KCNH4: variants seen among roughly 807,000 people sequenced by gnomAD.
KCNH4 encodes the protein voltage-gated delayed rectifier potassium channel KCNH4.
Under a neutral mutation model 90.7 loss-of-function variants are expected in KCNH4, and 33 were observed. The ratio of observed to expected loss-of-function variants is 0.36; its 90% CI spans 0.28 to 0.49. KCNH4 has a LOEUF of 0.49. Ranked by LOEUF, KCNH4 falls within the 20% of genes least tolerant of loss-of-function variation. The pLI is 0.98. For missense variants in KCNH4, 1,044 were observed against 1,387.1 expected (o/e 0.75, Z 3.93); for synonymous variants, 551 against 581.7 (o/e 0.95, Z 0.76).
Position 42,163,424 on chromosome 17 carries a change from A to G in KCNH4, c.2478-90T>C. 1 of 967,156 alleles carries G rather than the reference A, an allele frequency of 1.0e-6. No individual in the cohort carries two copies. The highest frequency in any genetic ancestry group is 1.6e-6 in the Non-Finnish European group (1 of 624,826). 59.9% of individuals were successfully genotyped at this position (967,156 alleles called of 1,614,324 possible). A position where few individuals can be genotyped will look rare whatever the true frequency, so the allele number is the denominator to read the frequency against. ...GAGGGGGACTGGGGGCAGCAGTGCCAGGGGGCGGAGCAAGAGCAGCAGTCA... is the reference window on the plus strand; with the variant it reads ...GAGGGGGACTGGGGGCAGCAGTGCCGGGGGGCGGAGCAAGAGCAGCAGTCA... On this transcript the variant is annotated intron_variant, in intron 13 of 16. Coordinates refer to ENST00000264661, the MANE Select transcript of KCNH4 (RefSeq NM_012285.3). The surrounding 1 kb of genome is among the most constrained non-coding windows in gnomAD (Gnocchi z 5.4).
rs1598278939 is a variant in KCNH4 at position 42,178,571 on chromosome 17, G to A, written c.311-94C>T. ...CTCATCCTCCTAGACATAGTTAAGA[G>A]CTTGGCAAAGCAAGAACCAAAAGGA... On this transcript the variant is annotated intron_variant, in intron 2 of 16. Transcript: ENST00000264661. The A allele has an allele frequency of 2.7e-6, 4 of 1,456,390 alleles. No individual in the cohort carries two copies. In the East Asian group the frequency reaches 7.3e-5, roughly 27 times the overall value. The allele number at this position is 1,456,390 out of a possible 1,614,324, so 90.2% of individuals were successfully genotyped here.
intron 6 of KCNH4, among the ~76,000 whole-genome samples, chr17:42,174,044 A>G (rs1207898702): frequency 6.6e-6 from 1 of 151,254 alleles, no homozygotes; most frequent in African/African-American, 2.4e-5. Context: ...TGCAACCTCC[A>G]CCTCTGGGAC....
intron 16 of KCNH4, among the ~76,000 whole-genome samples, chr17:42,159,131 G>A (rs555361042): frequency 3.3e-5 from 5 of 152,048 alleles, no homozygotes; most frequent in African/African-American, 7.2e-5. Flanking sequence ...GGATTCAAGC[G>A]ATTCTCCTGC....
rs1049199214 is a variant in KCNH4, at chr17:42,181,102, G to A, written c.-157C>T. ...CTGCCGCTGCCGCTGCCTCTGCTCC[G>A]AACCCCGTAGCTCTCGGCTCGGCTC... On this transcript the variant is annotated 5_prime_UTR_variant, in exon 1 of 17. Coordinates refer to ENST00000264661, the MANE Select transcript of KCNH4 (RefSeq NM_012285.3). 1.4e-5 allele frequency: 9 copies of A among 629,728 alleles called. No individual in the cohort carries two copies. Among genetic ancestry groups the A allele is most frequent in the African/African-American group, 3.9e-5 (2 of 51,082 alleles). The allele number at this position is 629,728 out of a possible 1,614,324, so 39.0% of individuals were successfully genotyped here.
chr17:42,169,754 T>C (rs2079814090), intron 8 of KCNH4, 78 bp from the exon 9 acceptor site: 1 of 1,473,028 alleles, frequency 6.8e-7, no homozygotes, highest in Non-Finnish European at 9.4e-7. Context: ...CACCCTGTCC[T>C]GGACCAAGAG....
chr17:42,162,371 C>A lies in KCNH4; in HGVS notation c.2585-50G>T, dbSNP rs543223146. On this transcript the variant is annotated intron_variant, in intron 14 of 16. Transcript: ENST00000264661. ...AGTTCATGGAGCATTAATACCTGAG[C>A]CTATAACTTGGGCTGGAATCCTCCT... 7.2e-6 allele frequency: 11 copies of A among 1,524,334 alleles called. No homozygotes were observed. The South Asian group carries it at 1.1e-4, about 16-fold the overall frequency. 94.4% of individuals were successfully genotyped at this position (1,524,334 alleles called of 1,614,324 possible). A position where few individuals can be genotyped will look rare whatever the true frequency, so the allele number is the denominator to read the frequency against.
rs756515599 is a variant in KCNH4 at position 42,163,585 on chromosome 17, C to T, written c.2477+21G>A. ...GAAGCCAATAGGGGTTTTGGGAAAG[C>T]AGGGGAGGCTGGCGTCTCACCGGGG... On this transcript the variant is annotated intron_variant, in intron 13 of 16. Transcript: ENST00000264661. The surrounding 1 kb of genome is among the most constrained non-coding windows in gnomAD (Gnocchi z 5.4). 3 of 1,140,932 alleles carry T rather than the reference C, an allele frequency of 2.6e-6. No homozygotes were observed. In the East Asian group the frequency reaches 7.2e-5, roughly 27 times the overall value. The allele number at this position is 1,140,932 out of a possible 1,614,324, so 70.7% of individuals were successfully genotyped here.
At chr17:42,158,054 G>A (rs1029017560) in intron 16 of KCNH4, among the ~76,000 whole-genome samples, 2 of 151,722 alleles carry the variant, frequency 1.3e-5, no homozygotes, top group East Asian at 2.0e-4. Flanking sequence ...TCAGCCTCCC[G>A]CGAAGCTGGG....
At chr17:42,158,392 G>A (rs55878532) in intron 16 of KCNH4, among the ~76,000 whole-genome samples, 1 of 149,486 alleles carries the variant, frequency 6.7e-6, no homozygotes, top group Admixed American at 6.7e-5. Context: ...TTAGCTGGGC[G>A]TGGTGGCAGG....
At position 42,180,993 on chromosome 17, in the gene KCNH4, C is replaced by T. The variant is rs748794104; in HGVS notation, c.-48G>A. Reference sequence around the variant, plus strand: ...GCGCGGCGCTGGGGAGCTTTCAGCGCGGCCGGGCCGGAGGGGGCGCGCTGT... The same window carrying T: ...GCGCGGCGCTGGGGAGCTTTCAGCGTGGCCGGGCCGGAGGGGGCGCGCTGT... On this transcript the variant is annotated 5_prime_UTR_variant, in exon 1 of 17. Transcript: ENST00000264661. The surrounding 1 kb of genome is among the most constrained non-coding windows in gnomAD (Gnocchi z 4.7). The T allele has an allele frequency of 1.3e-6, 2 of 1,570,622 alleles. No individual in the cohort carries two copies. Among genetic ancestry groups the T allele is most frequent in the Non-Finnish European group, 1.7e-6 (2 of 1,150,324 alleles).
At chr17:42,177,023 C>A (rs2079866732) in intron 4 of KCNH4, among the ~76,000 whole-genome samples, 1 of 152,122 alleles carries the variant, frequency 6.6e-6, no homozygotes, top group African/African-American at 2.4e-5. Flanking sequence ...TCCAGAGTAG[C>A]TGGGACCACA....
chr17:42,160,636 A>G (rs1023155686), intron 15 of KCNH4, among the ~76,000 whole-genome samples: 1 of 152,138 alleles, frequency 6.6e-6, no homozygotes, highest in African/African-American at 2.4e-5. Flanking sequence ...AGATATTGCT[A>G]TTCCTCCCCT....
chr17:42,176,509 CTTTTTTTTTT>C (rs869250233), intron 4 of KCNH4, among the ~76,000 whole-genome samples: 11 of 68,458 alleles, frequency 1.6e-4, no homozygotes, highest in South Asian at 5.0e-4. Context: ...GGCCCTCCTC[CTTTTTTTTTT>C]TTTTTTTTTT....
intron 10 of KCNH4, 106 bp from the exon 11 acceptor site, chr17:42,165,799 G>A (rs1183229248): frequency 2.2e-5 from 30 of 1,352,228 alleles, no homozygotes; most frequent in Non-Finnish European, 3.0e-5. Context: ...TTGAAGGATG[G>A]TTGAAGGTGG....
At chr17:42,169,715 C>T in intron 8 of KCNH4, 39 bp from the exon 9 acceptor site, 1 of 1,593,066 alleles carries the variant, frequency 6.3e-7, no homozygotes, top group South Asian at 1.1e-5. Flanking sequence ...GGCGGCCACC[C>T]CTCTGGCCAC....
intron 11 of KCNH4, 92 bp downstream of exon 11, chr17:42,165,357 G>A: frequency 6.6e-7 from 1 of 1,507,512 alleles, no homozygotes; most frequent in Non-Finnish European, 9.1e-7. Flanking sequence ...TGTTTTTAGG[G>A]TGGAGGGAGG....
At position 42,159,847 on chromosome 17, in the gene KCNH4, G is replaced by T; in HGVS notation, c.*193C>A. On this transcript the variant is annotated 3_prime_UTR_variant, in exon 16 of 17. Coordinates refer to ENST00000264661, the MANE Select transcript of KCNH4 (RefSeq NM_012285.3). ...CTCAGGTGGCTCCCCTCACAGAGGG[G>T]GAGGTTGGGGAAGGCTTGGAAAAGG... 2 of 439,704 alleles carry T rather than the reference G, an allele frequency of 4.5e-6. No homozygotes were observed. The highest frequency in any genetic ancestry group is 7.9e-6 in the Non-Finnish European group (2 of 253,312). 27.2% of individuals were successfully genotyped at this position (439,704 alleles called of 1,614,324 possible).
At position 42,163,563 on chromosome 17, in the gene KCNH4, G is replaced by T; in HGVS notation, c.2477+43C>A. 1 of 944,772 alleles carries T rather than the reference G, an allele frequency of 1.1e-6. No homozygotes were observed. Among genetic ancestry groups the T allele is most frequent in the Non-Finnish European group, 1.6e-6 (1 of 618,622 alleles). The allele number at this position is 944,772 out of a possible 1,614,324, so 58.5% of individuals were successfully genotyped here. On this transcript the variant is annotated intron_variant, in intron 13 of 16. Coordinates refer to ENST00000264661, the MANE Select transcript of KCNH4 (RefSeq NM_012285.3). This position sits in a 1 kb window ranked among gnomAD's most constrained non-coding sequence, Gnocchi z 5.4. ...ATAGAGCCCAGAGAAGGTTCTGGAA[G>T]CCAATAGGGGTTTTGGGAAAGCAGG...
intron 10 of KCNH4, among the ~76,000 whole-genome samples, 183 bp downstream of exon 10, chr17:42,166,113 TA>T (rs1359743165): frequency 6.6e-6 from 1 of 151,586 alleles, no homozygotes; most frequent in African/African-American, 2.4e-5. Flanking sequence ...CCAAGGGGAT[TA>T]GGGGGAATTG....
Sources: gnomAD v4.1 joint callset for allele counts (sites outside exome capture counted in the v4.1 genomes callset) on GRCh38, gnomAD v4.1.1 for gene constraint, Gnocchi (gnomAD v3.1) non-coding constraint, MANE v1.5 for transcripts, NCBI Gene and HGNC (gene_info 2026-07-23, HGNC 2026-07-21) for gene names.